TRAPPC9: variants seen among roughly 807,000 people sequenced by gnomAD.
TRAPPC9 encodes trafficking protein particle complex subunit 9.
Under a neutral mutation model 124.0 loss-of-function variants are expected in TRAPPC9, and 83 were observed. The observed-to-expected ratio is 0.67, with a 90% confidence interval of 0.56 to 0.80. TRAPPC9 has a LOEUF of 0.80. TRAPPC9 is among the 30% of genes least tolerant of loss of function. The pLI is 0.00. For synonymous variants in TRAPPC9, 638 were observed against 617.5 expected, an observed-to-expected ratio of 1.03 and a Z score of -0.49; for missense variants, 1,302 against 1,508.3, an observed-to-expected ratio of 0.86 and a Z score of 2.27.
chr8:139,979,517 T>C (rs1474924344), intron 19 of TRAPPC9, among the ~76,000 whole-genome samples: 1 of 152,144 alleles, frequency 6.6e-6, no homozygotes, highest in Non-Finnish European at 1.5e-5. Flanking sequence ...AGATTAAATA[T>C]GCCAATGCCC....
At chr8:140,048,863 C>T (rs529871599) in intron 17 of TRAPPC9, among the ~76,000 whole-genome samples, 2 of 152,294 alleles carry the variant, frequency 1.3e-5, no homozygotes, top group African/African-American at 4.8e-5. Flanking sequence ...ACTCCCAGCT[C>T]CAACCAGTTC....
At chr8:140,193,888 G>A (rs938842210) in intron 17 of TRAPPC9, among the ~76,000 whole-genome samples, 1 of 152,170 alleles carries the variant, frequency 6.6e-6, no homozygotes, top group Non-Finnish European at 1.5e-5. Flanking sequence ...AGTGCCCAAC[G>A]CAAAGAAGGC....
intron 19 of TRAPPC9, among the ~76,000 whole-genome samples, chr8:139,975,724 T>C (rs954566279): frequency 6.6e-6 from 1 of 151,992 alleles, no homozygotes; most frequent in South Asian, 2.1e-4. Flanking sequence ...TGGGACGCCA[T>C]TTCCCTCCCA....
chr8:140,194,282 A>T (rs2062580460), intron 17 of TRAPPC9, among the ~76,000 whole-genome samples: 1 of 149,010 alleles, frequency 6.7e-6, no homozygotes, highest in Non-Finnish European at 1.5e-5. Context: ...ACCCACAGTC[A>T]TCCCCCTCCC....
chr8:139,904,509 C>T (rs1327869417), intron 20 of TRAPPC9: 1 of 152,242 alleles, frequency 6.6e-6, no homozygotes, highest in Non-Finnish European at 1.5e-5. Context: ...TGACACCTTC[C>T]AGGGCCAGAA....
intron 16 of TRAPPC9, among the ~76,000 whole-genome samples, chr8:140,244,869 C>T (rs1178287951): frequency 2.2e-5 from 3 of 133,468 alleles, no homozygotes; most frequent in African/African-American, 2.9e-5. Context: ...TGCAGTGGCG[C>T]AATCTCGGCT....
chr8:139,981,295 C>G (rs900113083), intron 19 of TRAPPC9, among the ~76,000 whole-genome samples: 1 of 152,202 alleles, frequency 6.6e-6, no homozygotes, highest in South Asian at 2.1e-4. Flanking sequence ...TAACTGACCT[C>G]GGGTCTCCAT....
chr8:139,765,297 G>A (rs913822025), intron 21 of TRAPPC9, among the ~76,000 whole-genome samples: 1 of 152,220 alleles, frequency 6.6e-6, no homozygotes, highest in Non-Finnish European at 1.5e-5. Flanking sequence ...AGGTCAAGAA[G>A]ACCCCACTGA....
At chr8:139,813,393 C>T (rs1038170675) in intron 21 of TRAPPC9, among the ~76,000 whole-genome samples, 3 of 152,228 alleles carry the variant, frequency 2.0e-5, no homozygotes, top group Admixed American at 6.5e-5. Context: ...CCCAGGCCCA[C>T]GGCCAGCCCC....
At chr8:140,287,789 A>C in intron 12 of TRAPPC9, 55 bp from the exon 13 acceptor site, 3 of 1,612,144 alleles carry the variant, frequency 1.9e-6, no homozygotes, top group Non-Finnish European at 2.5e-6. Flanking sequence ...GTGTGTGCTC[A>C]GTTCCAAATG....
intron 19 of TRAPPC9, among the ~76,000 whole-genome samples, chr8:139,959,738 G>A (rs1466652291): frequency 3.3e-5 from 5 of 152,250 alleles, no homozygotes; most frequent in African/African-American, 7.2e-5. Flanking sequence ...CAACAAGCCA[G>A]AAGAGAAGGG....
At chr8:140,040,487 C>G (rs1841198811) in intron 17 of TRAPPC9, 1 of 152,410 alleles carries the variant, frequency 6.6e-6, no homozygotes, top group Non-Finnish European at 1.5e-5. Context: ...CTCCACCTCC[C>G]AGGTTCACGC....
intron 19 of TRAPPC9, among the ~76,000 whole-genome samples, chr8:139,967,917 C>T (rs1285523244): frequency 2.0e-5 from 3 of 151,972 alleles, no homozygotes; most frequent in African/African-American, 7.2e-5. Flanking sequence ...GGCGGGCGGA[C>T]TGCCTGAGGT....
chr8:139,995,266 C>T (rs899504070), intron 18 of TRAPPC9, among the ~76,000 whole-genome samples: 1 of 152,228 alleles, frequency 6.6e-6, no homozygotes, highest in Non-Finnish European at 1.5e-5. Context: ...GCTCCCAGGG[C>T]AGCCTCTCTT....
At chr8:140,197,948 G>A (rs775567655) in intron 17 of TRAPPC9, among the ~76,000 whole-genome samples, 1 of 152,156 alleles carries the variant, frequency 6.6e-6, no homozygotes, top group Non-Finnish European at 1.5e-5. Context: ...AGCACATCTT[G>A]TGCAGCAAGA....
At chr8:139,848,238 G>A (rs1373152012) in intron 21 of TRAPPC9, among the ~76,000 whole-genome samples, 9 of 152,224 alleles carry the variant, frequency 5.9e-5, no homozygotes, top group Admixed American at 2.6e-4. Context: ...TGCATCACAC[G>A]CGAGGGGCAC....
At chr8:140,428,308 G>A (rs1350892142) in intron 4 of TRAPPC9, among the ~76,000 whole-genome samples, 1 of 152,150 alleles carries the variant, frequency 6.6e-6, no homozygotes, top group East Asian at 1.9e-4. Context: ...TAGGAAAACT[G>A]GAGGTTTAAC....
chr8:139,850,338 C>T (rs1827361807), intron 21 of TRAPPC9, among the ~76,000 whole-genome samples: 1 of 152,200 alleles, frequency 6.6e-6, no homozygotes, highest in South Asian at 2.1e-4. Flanking sequence ...AGAGCCAACA[C>T]TAGAACCCAG....
At chr8:140,176,737 T>C (rs983575718) in intron 17 of TRAPPC9, among the ~76,000 whole-genome samples, 9 of 152,216 alleles carry the variant, frequency 5.9e-5, no homozygotes, top group African/African-American at 2.2e-4. Flanking sequence ...AGCTAAACAT[T>C]TCCCCAAAGT....
Sources: gnomAD v4.1 joint callset for allele counts (sites outside exome capture counted in the v4.1 genomes callset) on GRCh38, gnomAD v4.1.1 for gene constraint, MANE v1.5 for transcripts, NCBI Gene and HGNC (gene_info 2026-07-23, HGNC 2026-07-21) for gene names.